COG7: variants seen among roughly 807,000 people sequenced by gnomAD.
The protein encoded by COG7 is component of oligomeric golgi complex 7, also known as conserved oligomeric Golgi complex subunit 7.
COG7 carries 49 observed loss-of-function variants against 91.5 expected under a neutral mutation model. The observed-to-expected ratio is 0.54, with a 90% CI of 0.43 to 0.68. The LOEUF is 0.68. Ranked by LOEUF, COG7 falls within the 30% of genes least tolerant of loss-of-function variation. The pLI is 0.00. For synonymous variants in COG7, 365 were observed against 388.7 expected, an observed-to-expected ratio of 0.94 and a Z score of 0.72; for missense variants, 895 against 961.3, an observed-to-expected ratio of 0.93 and a Z score of 0.91.
intron 14 of COG7, 97 bp downstream of exon 14, chr16:23,397,949 A>G (rs1341693973): frequency 9.6e-7 from 1 of 1,043,920 alleles, no homozygotes; most frequent in Non-Finnish European, 1.5e-6. Context: ...AGGGTCAGAT[A>G]GCACCCATGG....
At chr16:23,440,486 A>C (rs1452302426) in intron 4 of COG7, among the ~76,000 whole-genome samples, 2 of 151,702 alleles carry the variant, frequency 1.3e-5, no homozygotes, top group Non-Finnish European at 2.9e-5. Flanking sequence ...AAAATTAATT[A>C]GAAGAACAAA....
chr16:23,429,046 G>T (rs1963892901), intron 6 of COG7, among the ~76,000 whole-genome samples: 1 of 151,882 alleles, frequency 6.6e-6, no homozygotes. Flanking sequence ...CTGGAGTGCA[G>T]TAGAGCAATC....
At chr16:23,394,192 A>G (rs1379342400) in intron 14 of COG7, among the ~76,000 whole-genome samples, 2 of 152,204 alleles carry the variant, frequency 1.3e-5, no homozygotes, top group African/African-American at 2.4e-5. Flanking sequence ...AGAAAAAACT[A>G]TATTGTTTTC....
At chr16:23,440,168 C>A (rs1191768084) in intron 4 of COG7, among the ~76,000 whole-genome samples, 1 of 151,694 alleles carries the variant, frequency 6.6e-6, no homozygotes, top group Non-Finnish European at 1.5e-5. Flanking sequence ...GCAGGCAGAT[C>A]ACCTGAGGTC....
intron 8 of COG7, 191 bp from the exon 9 acceptor site, chr16:23,417,312 T>C (rs1484887288): frequency 9.5e-6 from 6 of 632,616 alleles, no homozygotes; most frequent in South Asian, 5.5e-5. Context: ...AGTGGGATCA[T>C]GGAAATTCAC....
chr16:23,410,968 A>G (rs565646439), intron 10 of COG7, among the ~76,000 whole-genome samples: 1 of 152,308 alleles, frequency 6.6e-6, no homozygotes, highest in East Asian at 1.9e-4. Context: ...TGGCCTCCCA[A>G]AATGCTGGGA....
intron 8 of COG7, 132 bp from the exon 9 acceptor site, chr16:23,417,253 T>C (rs1436925247): frequency 6.5e-6 from 6 of 922,928 alleles, no homozygotes; most frequent in Admixed American, 5.9e-5. Context: ...GTCCCAACGT[T>C]TGAATGCTTC....
rs771793296 is a variant in COG7, at chr16:23,424,879, C to A, written c.879G>T (p.Ser293=). Reference sequence around the variant, plus strand: ...CGCCGTTGCTGAGGCAGGAGGGCAGCGAGGGCATGAGGGCCCCCAGGGTCT... The same window carrying A: ...CGCCGTTGCTGAGGCAGGAGGGCAGAGAGGGCATGAGGGCCCCCAGGGTCT... ...LIQTLGALMP[S]LPSCLSNGVE... Residue 293 remains serine, a synonymous_variant, in exon 7 of 17, where the codon TCG becomes TCT. Transcript: ENST00000307149. 11 of 1,614,166 alleles carry A rather than the reference C, an allele frequency of 6.8e-6. No individual in the cohort carries two copies. The highest frequency in any genetic ancestry group is 8.5e-6 in the Non-Finnish European group (10 of 1,180,026).
intron 9 of COG7, chr16:23,413,865 C>G: frequency 2.9e-6 from 1 of 350,678 alleles, no homozygotes; most frequent in Non-Finnish European, 5.5e-6. Flanking sequence ...GCTGATAAAT[C>G]CCCCCTCATC....
chr16:23,398,976 C>T lies in COG7; in HGVS notation c.1804-847G>A, dbSNP rs537686763. Among the ~76,000 whole-genome samples, 5 of 152,042 alleles carry T rather than the reference C, an allele frequency of 3.3e-5. No homozygotes were observed. In the East Asian group the frequency reaches 9.7e-4, roughly 29 times the overall value. ...GTGGCACACCTTCACACAAAAATCT[C>T]GCTTCTTACTTCCAACCTGAGCCAC... On this transcript the variant is annotated intron_variant, in intron 13 of 16. Coordinates refer to ENST00000307149, the MANE Select transcript of COG7 (RefSeq NM_153603.4).
intron 10 of COG7, among the ~76,000 whole-genome samples, chr16:23,410,678 G>A (rs1963547695): frequency 6.6e-6 from 1 of 151,962 alleles, no homozygotes; most frequent in African/African-American, 2.4e-5. Flanking sequence ...ACAGGGTAGA[G>A]ATATTTTATA....
rs555044899 is a variant in COG7 at position 23,420,808 on chromosome 16, A to T, written c.1010-1981T>A. Among the ~76,000 whole-genome samples, 12 of 152,160 alleles carry T rather than the reference A, an allele frequency of 7.9e-5. No homozygotes were observed. In the East Asian group the frequency reaches 1.7e-3, roughly 22 times the overall value. ...CCCCAGACTAAGGTGCAGTGGTCCA[A>T]CCACAGGTCACCATTGCCTTGGCCT... On this transcript the variant is annotated intron_variant, in intron 7 of 16. Coordinates refer to ENST00000307149, the MANE Select transcript of COG7 (RefSeq NM_153603.4).
rs149931741 is a variant in COG7, at chr16:23,436,141, G to A, written c.605-1423C>T. 7.3e-3 allele frequency among the ~76,000 whole-genome samples: 1,109 copies of A among 152,270 alleles called. 18 individuals are homozygous for A. The highest frequency in any genetic ancestry group is 0.026 in the African/African-American group (1,067 of 41,540). On this transcript the variant is annotated intron_variant, in intron 4 of 16. Transcript: ENST00000307149. ...GGAGGCTGAGCTGGGAGTATCACTT[G>A]AGCCTGGGAGGACAAGGCTGCAGTG...
At chr16:23,438,419 G>A (rs1027178420) in intron 4 of COG7, among the ~76,000 whole-genome samples, 5 of 152,072 alleles carry the variant, frequency 3.3e-5, no homozygotes, top group African/African-American at 9.7e-5. Context: ...TTAGCTGGGC[G>A]TGGTAGTGCA....
intron 4 of COG7, among the ~76,000 whole-genome samples, chr16:23,437,891 C>A (rs758267315): frequency 2.0e-5 from 3 of 151,846 alleles, no homozygotes; most frequent in Non-Finnish European, 4.4e-5. Flanking sequence ...TTGAGACCAT[C>A]CTGGCCAACA....
intron 8 of COG7, among the ~76,000 whole-genome samples, chr16:23,417,497 T>C (rs184648304): frequency 1.3e-5 from 2 of 152,354 alleles, no homozygotes; most frequent in East Asian, 3.9e-4. Flanking sequence ...CTGGGTGCAG[T>C]GGCTCAAGCC....
chr16:23,430,730 G>A (rs1368174279), intron 6 of COG7, among the ~76,000 whole-genome samples: 2 of 151,696 alleles, frequency 1.3e-5, no homozygotes, highest in Admixed American at 1.3e-4. Context: ...TAGTAGAGAT[G>A]GGGTTTCACC....
intron 6 of COG7, among the ~76,000 whole-genome samples, chr16:23,432,658 C>T (rs1211576289): frequency 6.6e-6 from 1 of 152,086 alleles, no homozygotes; most frequent in East Asian, 1.9e-4. Context: ...CGGTTTAAAA[C>T]CTTTATGGCT....
At chr16:23,404,844 G>A (rs935937440) in intron 12 of COG7, among the ~76,000 whole-genome samples, 2 of 152,190 alleles carry the variant, frequency 1.3e-5, no homozygotes, top group East Asian at 1.9e-4. Context: ...CGCTTGAAGC[G>A]GGGAGGCAGA....
Sources: gnomAD v4.1 joint callset for allele counts (sites outside exome capture counted in the v4.1 genomes callset) on GRCh38, gnomAD v4.1.1 for gene constraint, MANE v1.5 for transcripts, NCBI Gene and HGNC (gene_info 2026-07-23, HGNC 2026-07-21) for gene names.